ATP10B: variants seen among roughly 807,000 people sequenced by gnomAD.
ATP10B encodes the protein ATPase phospholipid transporting 10B (putative).
Under a neutral mutation model 141.2 loss-of-function variants are expected in ATP10B, and 122 were observed. That is an observed-to-expected ratio of 0.86 (90% CI 0.75 to 1.00). ATP10B has a LOEUF of 1.00. ATP10B is among the 50% of genes least tolerant of loss of function. The pLI is 0.00. For missense variants in ATP10B, 1,876 were observed against 1,825.3 expected (o/e 1.03, Z -0.51); for synonymous variants, 685 against 692.0 (o/e 0.99, Z 0.16).
intron 2 of ATP10B, among the ~76,000 whole-genome samples, chr5:160,783,223 G>A (rs376748634): frequency 3.3e-5 from 5 of 151,442 alleles, no homozygotes; most frequent in East Asian, 3.9e-4. Flanking sequence ...TTATGCCTTC[G>A]TGTCCTCATA....
intron 2 of ATP10B, among the ~76,000 whole-genome samples, chr5:160,740,597 C>T (rs1368352): frequency 0.58 from 88,440 of 151,988 alleles, 26,394 homozygotes; most frequent in African/African-American, 0.7. Context: ...CTTTTATTTC[C>T]AGGACTAAAC....
intron 1 of ATP10B, among the ~76,000 whole-genome samples, chr5:160,843,830 T>C (rs1467907479): frequency 1.3e-5 from 2 of 152,156 alleles, no homozygotes; most frequent in African/African-American, 2.4e-5. Flanking sequence ...ATTCATATTA[T>C]TTTTCTCAAG....
In ATP10B at chr5:160,570,461, G is replaced by T. The variant is rs561733507; in HGVS notation, c.3751-778C>A. Among the ~76,000 whole-genome samples the T allele has an allele frequency of 9.9e-5, 15 of 152,174 alleles. No homozygotes were observed. The South Asian group carries it at 3.1e-3, about 32-fold the overall frequency. On this transcript the variant is annotated intron_variant, in intron 24 of 25. Coordinates refer to ENST00000327245, the MANE Select transcript of ATP10B (RefSeq NM_025153.3). ...ATAAGTCTAAACAAGCAAATATACT[G>T]CAGTCTAAACAAGCAAATGTACTGC...
At chr5:160,806,455 G>A (rs571099299) in intron 1 of ATP10B, among the ~76,000 whole-genome samples, 2 of 152,180 alleles carry the variant, frequency 1.3e-5, no homozygotes, top group African/African-American at 4.8e-5. Context: ...CACACATAAG[G>A]TTATCCCCCA....
At chr5:160,622,039 G>A (rs894256074) in intron 14 of ATP10B, among the ~76,000 whole-genome samples, 26 of 152,172 alleles carry the variant, frequency 1.7e-4, no homozygotes, top group Admixed American at 1.6e-3. Context: ...GCCTCATAGA[G>A]TTGCTGGGTT....
At chr5:160,574,891 G>T (rs1382430684) in intron 24 of ATP10B, among the ~76,000 whole-genome samples, 1 of 151,106 alleles carries the variant, frequency 6.6e-6, no homozygotes, top group Non-Finnish European at 1.5e-5. Flanking sequence ...TGAACCTGCT[G>T]GTGCTTTGGT....
intron 1 of ATP10B, among the ~76,000 whole-genome samples, chr5:160,813,408 A>G (rs928841891): frequency 1.3e-5 from 2 of 152,226 alleles, no homozygotes; most frequent in Non-Finnish European, 2.9e-5. Context: ...TCTAAGATCA[A>G]ACTGCAAGGC....
At chr5:160,816,675 C>T (rs1379776864) in intron 1 of ATP10B, among the ~76,000 whole-genome samples, 1 of 152,044 alleles carries the variant, frequency 6.6e-6, no homozygotes, top group Non-Finnish European at 1.5e-5. Flanking sequence ...ATCCTGATAC[C>T]AAAGCCGGAC....
At chr5:160,639,999 G>A (rs1046999306) in intron 10 of ATP10B, among the ~76,000 whole-genome samples, 3 of 152,244 alleles carry the variant, frequency 2.0e-5, no homozygotes, top group African/African-American at 7.2e-5. Flanking sequence ...ACTCCTGTGA[G>A]AATCTAATGC....
chr5:160,825,771 A>G (rs1243121180), intron 1 of ATP10B, among the ~76,000 whole-genome samples: 1 of 152,110 alleles, frequency 6.6e-6, no homozygotes, highest in Non-Finnish European at 1.5e-5. Context: ...AGTACCCAAT[A>G]GGTTGTTTTT....
intron 12 of ATP10B, chr5:160,634,093 G>GAGATCCCCTTCAGCTGA: frequency 1.7e-6 from 1 of 577,094 alleles, no homozygotes; most frequent in South Asian, 1.8e-5. Context: ...AAAGTGCTTT[G>GAGATCCCCTTCAGCTGA]TCTGGCACCA....
chr5:160,623,501 T>A (rs748868404), intron 13 of ATP10B, among the ~76,000 whole-genome samples: 1 of 150,628 alleles, frequency 6.6e-6, no homozygotes, highest in Non-Finnish European at 1.5e-5. Context: ...TTTTTCAAGA[T>A]AAAGCAAAGA....
At chr5:160,751,965 C>T (rs1161134203) in intron 2 of ATP10B, among the ~76,000 whole-genome samples, 1 of 152,098 alleles carries the variant, frequency 6.6e-6, no homozygotes, top group African/African-American at 2.4e-5. Flanking sequence ...CTCTAAGGCC[C>T]AGGATGAGCG....
intron 6 of ATP10B, among the ~76,000 whole-genome samples, chr5:160,679,810 C>G (rs1344858806): frequency 6.6e-6 from 1 of 152,210 alleles, no homozygotes; most frequent in Non-Finnish European, 1.5e-5. Context: ...TGGATTCCCT[C>G]AGTTCCCATT....
intron 22 of ATP10B, among the ~76,000 whole-genome samples, chr5:160,598,167 GA>G (rs1191263287): frequency 6.6e-6 from 1 of 151,592 alleles, no homozygotes; most frequent in African/African-American, 2.4e-5. Context: ...ACTGGATTAA[GA>G]AAATGTGGCA....
intron 1 of ATP10B, among the ~76,000 whole-genome samples, chr5:160,799,436 T>A (rs184187569): frequency 6.6e-6 from 1 of 152,352 alleles, no homozygotes; most frequent in Admixed American, 6.5e-5. Flanking sequence ...CCATGTGTTG[T>A]CCCTTGTCCT....
intron 2 of ATP10B, among the ~76,000 whole-genome samples, chr5:160,768,021 T>C (rs1432116149): frequency 6.6e-6 from 1 of 152,114 alleles, no homozygotes; most frequent in Non-Finnish European, 1.5e-5. Context: ...TCTGTTCCTC[T>C]ACCCTACCTG....
Position 160,632,315 on chromosome 5 carries a change from G to A in ATP10B, c.1434C>T (p.Thr478=). The A allele has an allele frequency of 6.2e-7, 1 of 1,614,194 alleles. No homozygotes were observed. Among genetic ancestry groups the A allele is most frequent in the Non-Finnish European group, 8.5e-7 (1 of 1,180,032 alleles). Residue 478 remains threonine, a synonymous_variant, in exon 13 of 26, where the codon ACC becomes ACT. Transcript: ENST00000327245. The part of the protein sequence containing the change: ...KELDSDGEEW[T]QYQCLSFSAR... The stretch of plus-strand genomic sequence containing the variant: ...CCGAGAAGGACAGGCATTGGTATTG[G>A]GTCCACTCTTCACCATCTGAGTCCA...
chr5:160,719,770 C>T (rs1245556473), intron 2 of ATP10B, among the ~76,000 whole-genome samples: 2 of 152,180 alleles, frequency 1.3e-5, no homozygotes, highest in East Asian at 1.9e-4. Context: ...ATCTCTAATA[C>T]TTACCATCAC....
Sources: allele counts gnomAD v4.1 joint callset (sites outside exome capture counted in the v4.1 genomes callset), GRCh38; gene constraint gnomAD v4.1.1; transcripts MANE v1.5; gene names NCBI Gene and HGNC (gene_info 2026-07-23, HGNC 2026-07-21).